Variants in ZNF462 observed in about 807,000 individuals in gnomAD.
ZNF462 encodes zinc finger PBX1-interacting protein.
In ZNF462, 10 loss-of-function variants were observed where a neutral mutation model predicts 201.9. The ratio of observed to expected loss-of-function variants is 0.05; its 90% confidence interval spans 0.03 to 0.08. The LOEUF is 0.08. Among genes scored for constraint, ZNF462 ranks in the 10% least tolerant of loss-of-function variants. The pLI is 1.00. For synonymous variants in ZNF462, 1,227 were observed against 1,193.3 expected (o/e 1.03, Z -0.58); for missense variants, 2,523 against 3,168.3 (o/e 0.80, Z 4.89).
Position 106,970,627 on chromosome 9 carries a change from C to G in ZNF462, c.6428-1378C>G, listed in dbSNP as rs1345839796. ...GCTTAAGAAAAGAGCCCTTTGTTTT[C>G]TTTTCAAGGAAAGTTACACTGAAAT... is the stretch of plus-strand genomic sequence containing the variant. On this transcript the variant is annotated intron_variant, in intron 7 of 12. Transcript: ENST00000277225. The surrounding 1 kb of genome is among the most constrained non-coding windows in gnomAD (Gnocchi z 4.2). Among the ~76,000 whole-genome samples the G allele has an allele frequency of 6.6e-6, 1 of 152,092 alleles. No homozygotes were observed. Among genetic ancestry groups the G allele is most frequent in the African/African-American group, 2.4e-5 (1 of 41,416 alleles).
chr9:106,973,203 A>C (rs1345016234), intron 8 of ZNF462, among the ~76,000 whole-genome samples: 2 of 152,100 alleles, frequency 1.3e-5, no homozygotes, highest in African/African-American at 4.8e-5. Context: ...ATCATAGATA[A>C]AAAGCTATTA....
chr9:106,904,770 G>T (rs1006241727), intron 1 of ZNF462, among the ~76,000 whole-genome samples: 7 of 151,674 alleles, frequency 4.6e-5, no homozygotes, highest in African/African-American at 1.2e-4. Flanking sequence ...ATTTTTGATT[G>T]TTTTTTTTCT....
intron 7 of ZNF462, among the ~76,000 whole-genome samples, chr9:106,943,094 T>TGTGTG (rs1830956726): frequency 5.3e-5 from 4 of 75,874 alleles, no homozygotes; most frequent in Admixed American, 3.4e-4. Context: ...GTGTGTGTGT[T>TGTGTG]TGCTGGTGCC....
chr9:106,989,948 TG>T (rs1218028283), intron 10 of ZNF462, among the ~76,000 whole-genome samples: 3 of 152,110 alleles, frequency 2.0e-5, no homozygotes, highest in Admixed American at 2.0e-4. Context: ...TGGTTAATCT[TG>T]CTAATGGTCT....
intron 6 of ZNF462, among the ~76,000 whole-genome samples, chr9:106,936,119 C>A (rs1321614030): frequency 1.3e-5 from 2 of 152,204 alleles, no homozygotes; most frequent in African/African-American, 4.8e-5. Flanking sequence ...TGTCCAGCAG[C>A]TGTGCTGGTC....
Position 106,905,725 on chromosome 9 carries a change from C to G in ZNF462, c.-30-17629C>G, listed in dbSNP as rs1829241536. On this transcript the variant is annotated intron_variant, in intron 1 of 12. Coordinates refer to ENST00000277225, the MANE Select transcript of ZNF462 (RefSeq NM_021224.6). This position sits in a 1 kb window ranked among gnomAD's most constrained non-coding sequence, Gnocchi z 5.9. ...GGGGAAAGCCAGCAGTCATGAAGGG[C>G]TGGTCTCACTCTCACCGTGACCCCC... is the stretch of plus-strand genomic sequence containing the variant. 6.6e-6 allele frequency among the ~76,000 whole-genome samples: 1 copy of G among 152,130 alleles called. No homozygotes were observed. The highest frequency in any genetic ancestry group is 2.4e-5 in the African/African-American group (1 of 41,424).
At chr9:106,967,886 T>A (rs1832152304) in intron 7 of ZNF462, among the ~76,000 whole-genome samples, 2 of 152,192 alleles carry the variant, frequency 1.3e-5, no homozygotes, top group Admixed American at 1.3e-4. Flanking sequence ...GAGTCTTGCT[T>A]TATTTTTTTT....
intron 7 of ZNF462, among the ~76,000 whole-genome samples, chr9:106,940,597 G>C (rs1430601793): frequency 6.6e-6 from 1 of 152,170 alleles, no homozygotes; most frequent in East Asian, 1.9e-4. Context: ...CATTTATAGT[G>C]TTCAACACTA....
At chr9:106,906,051 G>A (rs528007915) in intron 1 of ZNF462, among the ~76,000 whole-genome samples, 1 of 152,344 alleles carries the variant, frequency 6.6e-6, no homozygotes, top group African/African-American at 2.4e-5. Flanking sequence ...TGGGGACCCA[G>A]TGAGATCCCA....
Position 106,864,102 on chromosome 9 carries a change from CTCTCT to C in ZNF462, c.-31+748_-31+752del, listed in dbSNP as rs1564062813. ...TCTCTCTCTCTCTCTCTCTCTCTCTCTCTCTCTCCCTCTCCCCGAAGTTGGGATGC... is the reference window on the plus strand; with the variant it reads ...TCTCTCTCTCTCTCTCTCTCTCTCTCCTCCCTCTCCCCGAAGTTGGGATGC... On this transcript the variant is annotated intron_variant, in intron 1 of 12. Transcript: ENST00000277225. Among the ~76,000 whole-genome samples, 162 of 123,672 alleles carry C rather than the reference CTCTCT, an allele frequency of 1.3e-3. 18 individuals are homozygous for C. Among genetic ancestry groups the C allele is most frequent in the South Asian group, 2.2e-3 (8 of 3,604 alleles). The allele number at this position is 123,672 out of a possible 152,430, so 81.1% of individuals were successfully genotyped here. A position where few individuals can be genotyped will look rare whatever the true frequency, so the allele number is the denominator to read the frequency against.
In ZNF462 at chr9:106,917,473, T is replaced by C. The variant is rs921824786; in HGVS notation, c.-30-5881T>C. Among the ~76,000 whole-genome samples, 4 of 152,192 alleles carry C rather than the reference T, an allele frequency of 2.6e-5. No homozygotes were observed. Among genetic ancestry groups the C allele is most frequent in the African/African-American group, 7.2e-5 (3 of 41,436 alleles). On this transcript the variant is annotated intron_variant, in intron 1 of 12. Coordinates refer to ENST00000277225, the MANE Select transcript of ZNF462 (RefSeq NM_021224.6). The surrounding 1 kb of genome is among the most constrained non-coding windows in gnomAD (Gnocchi z 4.5). ...CTGTATACAACAGAGGCCACATGCA[T>C]TGGCAGGACTTCATCTCATGGTATT...
chr9:106,931,633 G>A (rs1480721445), intron 4 of ZNF462, among the ~76,000 whole-genome samples: 1 of 152,134 alleles, frequency 6.6e-6, no homozygotes, highest in Non-Finnish European at 1.5e-5. Context: ...CGTTTCCTGG[G>A]ATCATGTGAG....
chr9:106,865,318 C>T lies in ZNF462; in HGVS notation c.-31+1963C>T, dbSNP rs1299283961. Among the ~76,000 whole-genome samples the T allele has an allele frequency of 6.6e-6, 1 of 152,132 alleles. No homozygotes were observed. Among genetic ancestry groups the T allele is most frequent in the African/African-American group, 2.4e-5 (1 of 41,422 alleles). ...GTCTTCACACAACTTTAAGCTGCTCCAGGTCTCCTGAAAGTCACCAGGAAA... is the reference window on the plus strand; with the variant it reads ...GTCTTCACACAACTTTAAGCTGCTCTAGGTCTCCTGAAAGTCACCAGGAAA... On this transcript the variant is annotated intron_variant, in intron 1 of 12. Coordinates refer to ENST00000277225, the MANE Select transcript of ZNF462 (RefSeq NM_021224.6). This position sits in a 1 kb window ranked among gnomAD's most constrained non-coding sequence, Gnocchi z 4.1.
intron 7 of ZNF462, among the ~76,000 whole-genome samples, chr9:106,959,088 T>C (rs1831711502): frequency 6.6e-6 from 1 of 152,122 alleles, no homozygotes; most frequent in Non-Finnish European, 1.5e-5. Context: ...ACTAACAAAA[T>C]AGGAGTGAAT....
At chr9:106,878,538 G>A (rs1827939741) in intron 1 of ZNF462, among the ~76,000 whole-genome samples, 2 of 152,350 alleles carry the variant, frequency 1.3e-5, no homozygotes, top group African/African-American at 2.4e-5. Flanking sequence ...TTTTGAGTGA[G>A]TACTAAGCAC....
chr9:106,947,721 C>T (rs1212570162), intron 7 of ZNF462, among the ~76,000 whole-genome samples: 2 of 152,112 alleles, frequency 1.3e-5, no homozygotes, highest in African/African-American at 2.4e-5. Flanking sequence ...AAAGCATGTA[C>T]GTGGTAGAGC....
Position 106,984,549 on chromosome 9 carries a change from T to G in ZNF462, c.7056+140T>G. On this transcript the variant is annotated intron_variant, in intron 10 of 12. Transcript: ENST00000277225. This position sits in a 1 kb window ranked among gnomAD's most constrained non-coding sequence, Gnocchi z 6.4. ...AAGAGCTTTTAAAGTGAGGTCTAGT[T>G]TCTTCTATTAGAAACGTAAGGTCAT... 2 of 670,564 alleles carry G rather than the reference T, an allele frequency of 3.0e-6. No individual in the cohort carries two copies. The highest frequency in any genetic ancestry group is 2.2e-5 in the South Asian group (1 of 44,576). 41.5% of individuals were successfully genotyped at this position (670,564 alleles called of 1,614,324 possible).
chr9:106,907,141 A>G (rs1230021353), intron 1 of ZNF462, among the ~76,000 whole-genome samples: 1 of 152,004 alleles, frequency 6.6e-6, no homozygotes, highest in East Asian at 1.9e-4. Flanking sequence ...TTCTCAGTCA[A>G]CCCTACTTGA....
intron 1 of ZNF462, among the ~76,000 whole-genome samples, chr9:106,892,913 G>A (rs572669728): frequency 7.2e-5 from 11 of 152,200 alleles, no homozygotes; most frequent in African/African-American, 2.6e-4. Context: ...TCCCATTCCT[G>A]CTCTCACAGT....
Sources: gnomAD v4.1 joint callset for allele counts (sites outside exome capture counted in the v4.1 genomes callset) on GRCh38, gnomAD v4.1.1 for gene constraint, Gnocchi (gnomAD v3.1) non-coding constraint, MANE v1.5 for transcripts, NCBI Gene and HGNC (gene_info 2026-07-23, HGNC 2026-07-21) for gene names.